Variants in RBFOX1 observed in about 807,000 individuals in gnomAD.
The protein encoded by RBFOX1 is RNA binding protein fox-1 homolog 1.
Under a neutral mutation model 57.7 loss-of-function variants are expected in RBFOX1, and 8 were observed. That is an observed-to-expected ratio of 0.14 (90% CI 0.08 to 0.25). RBFOX1 has a LOEUF of 0.25. Ranked by LOEUF, RBFOX1 falls within the 10% of genes least tolerant of loss-of-function variation. The pLI, the probability that RBFOX1 is intolerant of heterozygous loss-of-function variation, is 1.00. For missense variants in RBFOX1, 611 were observed against 548.5 expected, an observed-to-expected ratio of 1.11 and a Z score of -1.14; for synonymous variants, 326 against 222.4, an observed-to-expected ratio of 1.47 and a Z score of -4.15.
intron 3 of RBFOX1, among the ~76,000 whole-genome samples, chr16:7,050,535 G>C (rs1224355503): frequency 6.6e-6 from 1 of 151,880 alleles, no homozygotes; most frequent in Non-Finnish European, 1.5e-5. Context: ...CAAAGTGCTG[G>C]GATTACAGGC....
At chr16:6,750,200 A>C (rs1394308026) in intron 3 of RBFOX1, among the ~76,000 whole-genome samples, 2 of 152,128 alleles carry the variant, frequency 1.3e-5, no homozygotes, top group Non-Finnish European at 2.9e-5. Flanking sequence ...AAATAGCAAA[A>C]CCTATTGAAT....
At chr16:6,057,528 G>T (rs534401579) in intron 1 of RBFOX1, among the ~76,000 whole-genome samples, 1 of 151,902 alleles carries the variant, frequency 6.6e-6, no homozygotes, top group Non-Finnish European at 1.5e-5. Context: ...GTTGAAACAC[G>T]ACAGGCTTGG....
In RBFOX1 at chr16:5,256,789, C is replaced by T. The variant is rs534208430; in HGVS notation, c.219+16684C>T. ...CCTCTTCTAAAAGTACAAAAATTAG[C>T]CCGGTGTGGTGGCATCTGCCTGTAG... On this transcript the variant is annotated intron_variant, in intron 1 of 2. Transcript: ENST00000585867. 3.9e-4 allele frequency among the ~76,000 whole-genome samples: 60 copies of T among 152,126 alleles called. No homozygotes were observed. The South Asian group carries it at 0.011, about 29-fold the overall frequency.
intron 4 of RBFOX1, among the ~76,000 whole-genome samples, chr16:7,092,453 G>C (rs889200736): frequency 1.1e-4 from 17 of 152,168 alleles, no homozygotes; most frequent in Admixed American, 9.2e-4. Flanking sequence ...TTAACATTTT[G>C]TACCATTCAA....
chr16:5,699,588 C>T (rs1482331660), intron 3 of RBFOX1, among the ~76,000 whole-genome samples: 1 of 151,996 alleles, frequency 6.6e-6, no homozygotes, highest in Non-Finnish European at 1.5e-5. Flanking sequence ...AAATTGCCTC[C>T]AGTTAAGAGA....
chr16:6,651,159 C>T (rs1283891503), intron 2 of RBFOX1, among the ~76,000 whole-genome samples: 2 of 152,298 alleles, frequency 1.3e-5, no homozygotes, highest in African/African-American at 4.8e-5. Context: ...GCCTCAGTCT[C>T]CCAGAGTGCT....
chr16:6,741,837 T>C (rs1371961864), intron 3 of RBFOX1, among the ~76,000 whole-genome samples: 5 of 152,182 alleles, frequency 3.3e-5, no homozygotes, highest in South Asian at 4.2e-4. Context: ...ACTGGAAGGG[T>C]AAAGGGTTAG....
intron 1 of RBFOX1, among the ~76,000 whole-genome samples, chr16:6,275,211 T>C (rs562354143): frequency 9.3e-4 from 142 of 152,014 alleles, no homozygotes; most frequent in African/African-American, 2.4e-3. Context: ...CTCGGGAGGC[T>C]GAGGCAGGAG....
intron 4 of RBFOX1, among the ~76,000 whole-genome samples, chr16:7,281,982 C>G (rs2095553304): frequency 6.6e-6 from 1 of 152,164 alleles, no homozygotes; most frequent in Admixed American, 6.5e-5. Flanking sequence ...CCTCCCACCT[C>G]AGCGTCCGGA....
At chr16:7,313,835 C>T (rs1040106494) in intron 4 of RBFOX1, among the ~76,000 whole-genome samples, 1 of 152,130 alleles carries the variant, frequency 6.6e-6, no homozygotes, top group Non-Finnish European at 1.5e-5. Context: ...CTTAGAACCA[C>T]GATTCTGCAC....
At chr16:6,780,913 G>T (rs576747380) in intron 3 of RBFOX1, among the ~76,000 whole-genome samples, 1 of 152,044 alleles carries the variant, frequency 6.6e-6, no homozygotes, top group Non-Finnish European at 1.5e-5. Context: ...CAGGTGGGTA[G>T]TTGGCAAATG....
At chr16:6,781,522 T>C (rs2081020187) in intron 3 of RBFOX1, among the ~76,000 whole-genome samples, 1 of 151,458 alleles carries the variant, frequency 6.6e-6, no homozygotes, top group South Asian at 2.1e-4. Flanking sequence ...TCCTTAAATA[T>C]TTGGTAGAAT....
At chr16:6,476,266 T>A (rs2095270267) in intron 2 of RBFOX1, among the ~76,000 whole-genome samples, 1 of 152,164 alleles carries the variant, frequency 6.6e-6, no homozygotes, top group Non-Finnish European at 1.5e-5. Context: ...GGGGTGTGTG[T>A]CTACAAATAT....
At chr16:6,573,772 A>G (rs974962704) in intron 2 of RBFOX1, 5 of 152,174 alleles carry the variant, frequency 3.3e-5, no homozygotes, top group African/African-American at 9.7e-5. Context: ...GGGAGCCTGA[A>G]TGTCGCTGGC....
intron 5 of RBFOX1, among the ~76,000 whole-genome samples, chr16:7,539,917 G>A (rs1209273453): frequency 6.6e-6 from 1 of 152,200 alleles, no homozygotes; most frequent in Non-Finnish European, 1.5e-5. Flanking sequence ...GCAGCCCCTT[G>A]GAGGTAGGCA....
chr16:5,867,560 AC>A (rs1267949272), intron 4 of RBFOX1, among the ~76,000 whole-genome samples: 1 of 152,004 alleles, frequency 6.6e-6, no homozygotes, highest in Non-Finnish European at 1.5e-5. Flanking sequence ...GTGCAGGGTG[AC>A]TTCAGCGTCT....
At chr16:5,801,722 C>A (rs1173059876) in intron 3 of RBFOX1, among the ~76,000 whole-genome samples, 1 of 151,962 alleles carries the variant, frequency 6.6e-6, no homozygotes, top group East Asian at 1.9e-4. Flanking sequence ...GATGAACCAT[C>A]TGGTGGGTTT....
intron 1 of RBFOX1, among the ~76,000 whole-genome samples, chr16:6,098,677 A>C (rs1323062499): frequency 1.3e-5 from 2 of 152,222 alleles, no homozygotes; most frequent in Admixed American, 1.3e-4. Flanking sequence ...CATTTCCACC[A>C]AAAAGCTCAT....
chr16:6,923,377 T>C (rs547955661), intron 3 of RBFOX1, among the ~76,000 whole-genome samples: 2 of 151,960 alleles, frequency 1.3e-5, no homozygotes, highest in Non-Finnish European at 2.9e-5. Flanking sequence ...CTACTAACAA[T>C]ACACAAATTA....
Sources: allele counts gnomAD v4.1 joint callset (sites outside exome capture counted in the v4.1 genomes callset), GRCh38; gene constraint gnomAD v4.1.1; transcripts MANE v1.5; gene names NCBI Gene and HGNC (gene_info 2026-07-23, HGNC 2026-07-21).